The following ERC2 variants were observed in gnomAD, a reference collection of about 807,000 sequenced individuals.
ERC2 encodes ERC protein 2.
A neutral mutation model predicts 114.8 loss-of-function variants in ERC2; 42 were observed. The ratio of observed to expected loss-of-function variants is 0.37; its 90% CI spans 0.29 to 0.47. The LOEUF (loss-of-function observed/expected upper bound fraction) is 0.47, where lower values mean the gene tolerates loss of function less well. Among genes scored for constraint, ERC2 ranks in the 20% least tolerant of loss-of-function variants. The probability of loss-of-function intolerance (pLI) is 0.99; values close to 1 mark genes in which losing one functional copy is unlikely to be tolerated. For missense variants in ERC2, 939 were observed against 1,150.7 expected, an observed-to-expected ratio of 0.82 and a Z score of 2.66; for synonymous variants, 454 against 425.5, an observed-to-expected ratio of 1.07 and a Z score of -0.82.
At position 56,298,997 on chromosome 3, in the gene ERC2, C is replaced by T. The variant is rs566774863; in HGVS notation, c.658-2562G>A. The stretch of plus-strand genomic sequence containing the variant: ...ATCCGCAGCCTTCAGCCCAGAGATG[C>T]GGCTGCAGCCAAGACTCTTGAAAGA... On this transcript the variant is annotated intron_variant, in intron 2 of 17. Transcript: ENST00000288221. 2.5e-4 allele frequency among the ~76,000 whole-genome samples: 38 copies of T among 152,012 alleles called. 1 individual carries two copies. The South Asian group carries it at 7.3e-3, about 29-fold the overall frequency.
At chr3:55,954,998 G>T (rs1367481845) in intron 12 of ERC2, among the ~76,000 whole-genome samples, 1 of 152,040 alleles carries the variant, frequency 6.6e-6, no homozygotes, top group Non-Finnish European at 1.5e-5. Flanking sequence ...TAAGGCAAAG[G>T]ACATGGAAAA....
At position 55,798,101 on chromosome 3, in the gene ERC2, A is replaced by G. The variant is rs72877111; in HGVS notation, c.2565-63183T>C. Among the ~76,000 whole-genome samples the G allele has an allele frequency of 6.8e-4, 104 of 152,326 alleles. 1 individual carries two copies. The highest frequency in any genetic ancestry group is 2.5e-3 in the African/African-American group (103 of 41,582). ...AGGACAGAAAAGGAAAGTCTAGCAC[A>G]TTCATAATTAGAGCCCATAAAGAGA... On this transcript the variant is annotated intron_variant, in intron 14 of 17. Transcript: ENST00000288221.
At chr3:56,402,134 T>A in intron 2 of ERC2, among the ~76,000 whole-genome samples, 1 of 152,164 alleles carries the variant, frequency 6.6e-6, no homozygotes, top group Non-Finnish European at 1.5e-5. Flanking sequence ...CCTTGATACG[T>A]AGGGATTATT....
chr3:55,715,562 C>G (rs2064070560), intron 15 of ERC2, among the ~76,000 whole-genome samples: 1 of 152,038 alleles, frequency 6.6e-6, no homozygotes, highest in Non-Finnish European at 1.5e-5. Context: ...GGCTCAGAAA[C>G]AGCATGTGCC....
chr3:56,275,313 T>G (rs2053920852), intron 3 of ERC2, among the ~76,000 whole-genome samples: 1 of 152,146 alleles, frequency 6.6e-6, no homozygotes, highest in Admixed American at 6.5e-5. Flanking sequence ...CCAGTGAGTG[T>G]AGTACGGCCA....
At chr3:56,368,482 A>G (rs1285106767) in intron 2 of ERC2, among the ~76,000 whole-genome samples, 3 of 152,334 alleles carry the variant, frequency 2.0e-5, no homozygotes, top group Admixed American at 6.5e-5. Context: ...CTAGACGAGA[A>G]GATAACCTTC....
intron 2 of ERC2, among the ~76,000 whole-genome samples, chr3:56,381,259 T>A (rs2059739999): frequency 6.6e-6 from 1 of 152,172 alleles, no homozygotes; most frequent in Non-Finnish European, 1.5e-5. Context: ...TTTAAGCCCA[T>A]CCCAATGAAG....
chr3:56,144,994 C>T (rs1441177201), intron 5 of ERC2, among the ~76,000 whole-genome samples: 1 of 152,102 alleles, frequency 6.6e-6, no homozygotes, highest in East Asian at 1.9e-4. Flanking sequence ...GAAGAAAAGC[C>T]AATCGGAATT....
rs566238062 is a variant in ERC2, at chr3:56,305,504, T to G, written c.658-9069A>C. ...AACAAGAAAGCATTTTATACCCCACTCTCTTATCCACACACACACACACAC... is the reference window on the plus strand; with the variant it reads ...AACAAGAAAGCATTTTATACCCCACGCTCTTATCCACACACACACACACAC... On this transcript the variant is annotated intron_variant, in intron 2 of 17. Transcript: ENST00000288221. Among the ~76,000 whole-genome samples, 286 of 133,518 alleles carry G rather than the reference T, an allele frequency of 2.1e-3. 3 individuals carry two copies. Among genetic ancestry groups the G allele is most frequent in the South Asian group, 0.02 (81 of 3,976 alleles). 87.6% of individuals were successfully genotyped at this position (133,518 alleles called of 152,430 possible). A position where few individuals can be genotyped will look rare whatever the true frequency, so the allele number is the denominator to read the frequency against.
intron 3 of ERC2, among the ~76,000 whole-genome samples, chr3:56,268,753 A>T (rs997449540): frequency 1.3e-5 from 2 of 152,236 alleles, no homozygotes; most frequent in Non-Finnish European, 2.9e-5. Flanking sequence ...AGACCAAAAT[A>T]GAAGGGCAGG....
At chr3:55,626,614 C>T (rs73830687) in intron 17 of ERC2, among the ~76,000 whole-genome samples, 273 of 152,348 alleles carry the variant, frequency 1.8e-3, no homozygotes, top group African/African-American at 6.2e-3. Flanking sequence ...AAATTCATGG[C>T]TTCTCACCAA....
At chr3:55,584,702 G>A (rs1459018062) in intron 17 of ERC2, among the ~76,000 whole-genome samples, 1 of 152,126 alleles carries the variant, frequency 6.6e-6, no homozygotes, top group Non-Finnish European at 1.5e-5. Flanking sequence ...CCTTGTTTCA[G>A]GAGCACACCA....
At chr3:55,784,984 A>C (rs888879054) in intron 14 of ERC2, among the ~76,000 whole-genome samples, 1 of 152,194 alleles carries the variant, frequency 6.6e-6, no homozygotes, top group Non-Finnish European at 1.5e-5. Flanking sequence ...TAAAGGCATA[A>C]CCGAAGATGC....
chr3:55,625,579 G>A (rs1367441402), intron 17 of ERC2, among the ~76,000 whole-genome samples: 2 of 151,832 alleles, frequency 1.3e-5, no homozygotes, highest in Non-Finnish European at 1.5e-5. Context: ...GTGAAACCCC[G>A]TCTCTACTAA....
intron 13 of ERC2, among the ~76,000 whole-genome samples, chr3:55,930,916 AC>A (rs1409750634): frequency 2.6e-5 from 4 of 152,278 alleles, no homozygotes; most frequent in Admixed American, 6.5e-5. Flanking sequence ...AGGAAAAAAA[AC>A]AACCCCAACA....
At chr3:56,078,426 G>C (rs183243943) in intron 7 of ERC2, among the ~76,000 whole-genome samples, 175 of 152,266 alleles carry the variant, frequency 1.1e-3, no homozygotes, top group African/African-American at 3.6e-3. Flanking sequence ...GACCATAACA[G>C]AACAGGAAGA....
At chr3:56,398,896 G>C (rs1178804138) in intron 2 of ERC2, among the ~76,000 whole-genome samples, 1 of 152,182 alleles carries the variant, frequency 6.6e-6, no homozygotes, top group Non-Finnish European at 1.5e-5. Flanking sequence ...TGGGATTATA[G>C]GCATGAGCCA....
At chr3:55,749,860 C>T (rs2066565266) in intron 14 of ERC2, among the ~76,000 whole-genome samples, 1 of 152,194 alleles carries the variant, frequency 6.6e-6, no homozygotes, top group African/African-American at 2.4e-5. Flanking sequence ...AGTTGTAACA[C>T]TCACTGCGAA....
intron 13 of ERC2, among the ~76,000 whole-genome samples, chr3:55,942,301 T>TTTTTTTTTTTG (rs1559906638): frequency 1.7e-5 from 2 of 120,780 alleles, no homozygotes; most frequent in Admixed American, 8.8e-5. Context: ...TTTTTTTTTT[T>TTTTTTTTTTTG]TTGTTGAGAC....
Sources: gnomAD v4.1 joint callset for allele counts (sites outside exome capture counted in the v4.1 genomes callset) on GRCh38, gnomAD v4.1.1 for gene constraint, MANE v1.5 for transcripts, NCBI Gene and HGNC (gene_info 2026-07-23, HGNC 2026-07-21) for gene names.